UBE4B: variants seen among roughly 807,000 people sequenced by gnomAD.
UBE4B encodes the protein ubiquitination factor E4B, also known as ubiquitin conjugation factor E4 B.
A neutral mutation model predicts 148.1 loss-of-function variants in UBE4B; 27 were observed. The ratio of observed to expected loss-of-function variants is 0.18; its 90% CI spans 0.13 to 0.25. The LOEUF (loss-of-function observed/expected upper bound fraction) is 0.25. UBE4B is among the 10% of genes least tolerant of loss of function. UBE4B has a pLI of 1.00. For missense variants in UBE4B, 1,170 were observed against 1,662.4 expected (o/e 0.70, Z 5.15); for synonymous variants, 596 against 619.3 (o/e 0.96, Z 0.56).
At chr1:10,036,123 T>C (rs1253363289) in intron 1 of UBE4B, among the ~76,000 whole-genome samples, 1 of 151,302 alleles carries the variant, frequency 6.6e-6, no homozygotes, top group Non-Finnish European at 1.5e-5. Flanking sequence ...TAGTCCTTGG[T>C]TTAGAGGCTT....
intron 1 of UBE4B, among the ~76,000 whole-genome samples, chr1:10,056,539 G>A (rs963388635): frequency 6.6e-6 from 1 of 152,282 alleles, no homozygotes; most frequent in East Asian, 1.9e-4. Context: ...ACTGGGTGGG[G>A]ATAAACTATA....
chr1:10,098,733 C>T (rs1035204185), intron 3 of UBE4B, among the ~76,000 whole-genome samples: 1 of 152,178 alleles, frequency 6.6e-6, no homozygotes, highest in African/African-American at 2.4e-5. Flanking sequence ...TGTGTTACTA[C>T]AGTATAGCCT....
At chr1:10,140,415 T>G (rs1192227910) in intron 17 of UBE4B, among the ~76,000 whole-genome samples, 1 of 152,244 alleles carries the variant, frequency 6.6e-6, no homozygotes, top group Non-Finnish European at 1.5e-5. Flanking sequence ...CTATCTGTGT[T>G]GTTTTTACAG....
intron 2 of UBE4B, among the ~76,000 whole-genome samples, chr1:10,092,969 A>G (rs1644874033): frequency 6.6e-6 from 1 of 152,238 alleles, no homozygotes; most frequent in Non-Finnish European, 1.5e-5. Flanking sequence ...TGGAAGATGC[A>G]GGAAAAAATG....
chr1:10,115,005 C>T (rs1324182201), intron 7 of UBE4B, among the ~76,000 whole-genome samples: 1 of 152,078 alleles, frequency 6.6e-6, no homozygotes, highest in African/African-American at 2.4e-5. Flanking sequence ...CTGCCTTGTT[C>T]CTTTGACTGC....
intron 7 of UBE4B, among the ~76,000 whole-genome samples, chr1:10,116,460 C>CTA (rs1319224064): frequency 6.6e-6 from 1 of 152,118 alleles, no homozygotes; most frequent in East Asian, 1.9e-4. Context: ...CATCCTTTAT[C>CTA]ATCTTCTGTA....
intron 11 of UBE4B, among the ~76,000 whole-genome samples, chr1:10,128,156 C>T (rs1645532204): frequency 6.6e-6 from 1 of 152,094 alleles, no homozygotes; most frequent in South Asian, 2.1e-4. Context: ...TAATTATCAC[C>T]ATATTATGTA....
chr1:10,129,515 T>TA, intron 12 of UBE4B, 67 bp downstream of exon 12: 1 of 1,481,508 alleles, frequency 6.7e-7, no homozygotes, highest in Non-Finnish European at 9.4e-7. Context: ...GGCATTCCTC[T>TA]AGTGAGATGG....
chr1:10,175,396 A>C (rs1019634009), intron 25 of UBE4B, among the ~76,000 whole-genome samples: 4 of 152,186 alleles, frequency 2.6e-5, no homozygotes, highest in African/African-American at 9.7e-5. Flanking sequence ...TCACGCCTGT[A>C]ATCCCAGCAC....
chr1:10,178,854 T>G, intron 26 of UBE4B, 36 bp downstream of exon 26: 1 of 1,555,362 alleles, frequency 6.4e-7, no homozygotes. Context: ...TGATTTCTTT[T>G]GAGTTAACTG....
chr1:10,122,046 C>G lies in UBE4B; in HGVS notation c.1524C>G (p.Thr508=). The change falls in exon 10 of 28, where the codon ACC becomes ACG. Residue 508 remains threonine, a synonymous_variant. Transcript: ENST00000343090. The part of the protein sequence containing the change: ...PYGFIQELVR[T]THQDEEVFKQ... The stretch of plus-strand genomic sequence containing the variant: ...GCTTCATTCAGGAACTGGTGAGAAC[C>G]ACTCACCAGGATGAAGAAGTGTTCA... 1 of 1,613,170 alleles carries G rather than the reference C, an allele frequency of 6.2e-7. No homozygotes were observed.
chr1:10,151,624 A>G (rs1645976732), intron 21 of UBE4B, 63 bp downstream of exon 21: 1 of 1,420,212 alleles, frequency 7.0e-7, no homozygotes, highest in African/African-American at 1.4e-5. Flanking sequence ...ATCTAAAGCT[A>G]GTGGACGACG....
intron 27 of UBE4B, 94 bp from the exon 28 acceptor site, chr1:10,179,801 C>T: frequency 1.3e-6 from 2 of 1,499,974 alleles, no homozygotes; most frequent in Admixed American, 1.8e-5. Context: ...GAAAGAATGG[C>T]CTTTTCTTCC....
At chr1:10,140,999 A>G (rs77731146) in intron 17 of UBE4B, among the ~76,000 whole-genome samples, 1,713 of 152,320 alleles carry the variant, frequency 0.011, 29 homozygotes, top group African/African-American at 0.039. Context: ...TACTGAATTC[A>G]GGGTCTCTGG....
At chr1:10,145,349 G>A in intron 18 of UBE4B, 1 of 170,116 alleles carries the variant, frequency 5.9e-6, no homozygotes, top group Non-Finnish European at 1.3e-5. Context: ...TGTAATCCCA[G>A]CACTTTGGGA....
chr1:10,065,548 T>C (rs889273114), intron 1 of UBE4B, among the ~76,000 whole-genome samples: 3 of 152,202 alleles, frequency 2.0e-5, no homozygotes, highest in African/African-American at 7.2e-5. Context: ...GTGAACACAA[T>C]TGAATGTGTC....
At chr1:10,072,649 AG>A in intron 2 of UBE4B, 1 of 595,250 alleles carries the variant, frequency 1.7e-6, no homozygotes, top group Non-Finnish European at 3.0e-6. Context: ...TTAACTTTTC[AG>A]AGGATAAAAC....
intron 14 of UBE4B, among the ~76,000 whole-genome samples, chr1:10,131,060 C>T (rs1228619435): frequency 2.6e-5 from 4 of 152,234 alleles, no homozygotes; most frequent in Non-Finnish European, 5.9e-5. Context: ...GGCCCGGCTC[C>T]TCCTCCAGCT....
At chr1:10,167,095 G>A (rs528931426) in intron 23 of UBE4B, among the ~76,000 whole-genome samples, 14 of 151,856 alleles carry the variant, frequency 9.2e-5, no homozygotes, top group African/African-American at 3.4e-4. Flanking sequence ...TTGTGCCACT[G>A]CACTCTAGCC....
Sources: allele counts gnomAD v4.1 joint callset (sites outside exome capture counted in the v4.1 genomes callset), GRCh38; gene constraint gnomAD v4.1.1; transcripts MANE v1.5; gene names NCBI Gene and HGNC (gene_info 2026-07-23, HGNC 2026-07-21).